Variants in GULP1 observed in about 807,000 individuals in gnomAD.
GULP1 encodes GULP PTB domain containing engulfment adaptor 1, also known as PTB domain-containing engulfment adapter protein 1.
A neutral mutation model predicts 40.9 loss-of-function variants in GULP1; 19 were observed. The ratio of observed to expected loss-of-function variants is 0.46; its 90% confidence interval spans 0.32 to 0.68. The LOEUF (loss-of-function observed/expected upper bound fraction) is 0.68, where lower values mean the gene tolerates loss of function less well. Among genes scored for constraint, GULP1 ranks in the 30% least tolerant of loss-of-function variants. The probability of loss-of-function intolerance (pLI) is 0.03; values close to 1 mark genes in which losing one functional copy is unlikely to be tolerated. For synonymous variants in GULP1, 119 were observed against 117.6 expected (o/e 1.01, Z -0.08); for missense variants, 312 against 362.2 (o/e 0.86, Z 1.12).
At position 188,391,388 on chromosome 2, in the gene GULP1, G is replaced by C. The variant is rs563088517; in HGVS notation, c.-45+7499G>C. On this transcript the variant is annotated intron_variant, in intron 2 of 11. Coordinates refer to ENST00000409830, the MANE Select transcript of GULP1 (RefSeq NM_016315.4). ...TTGCAGCTATTGTAAAAGAGACTGAGTTCTTGATTTGATTCTCAATGTGGT... is the reference window on the plus strand; with the variant it reads ...TTGCAGCTATTGTAAAAGAGACTGACTTCTTGATTTGATTCTCAATGTGGT... 5.3e-5 allele frequency among the ~76,000 whole-genome samples: 8 copies of C among 151,948 alleles called. 1 individual carries two copies. The highest frequency in any genetic ancestry group is 1.2e-4 in the Non-Finnish European group (8 of 67,858).
At chr2:188,348,831 A>T (rs991179187) in intron 1 of GULP1, among the ~76,000 whole-genome samples, 7 of 152,176 alleles carry the variant, frequency 4.6e-5, no homozygotes, top group Non-Finnish European at 8.8e-5. Flanking sequence ...CCCCTCCGAT[A>T]TCGAAGGATG....
At chr2:188,455,597 C>T (rs1449384276) in intron 2 of GULP1, among the ~76,000 whole-genome samples, 1 of 152,152 alleles carries the variant, frequency 6.6e-6, no homozygotes, top group Non-Finnish European at 1.5e-5. Flanking sequence ...CCAGTTAAAC[C>T]TCTTTCTTTT....
At chr2:188,391,540 T>A (rs1161053088) in intron 2 of GULP1, among the ~76,000 whole-genome samples, 1 of 152,024 alleles carries the variant, frequency 6.6e-6, no homozygotes, top group African/African-American at 2.4e-5. Context: ...ATGTATACAA[T>A]TACATCATCA....
At chr2:188,482,381 A>G (rs2061507287) in intron 3 of GULP1, among the ~76,000 whole-genome samples, 1 of 151,976 alleles carries the variant, frequency 6.6e-6, no homozygotes. Context: ...TAGTAATACA[A>G]TATTTCCTTC....
At chr2:188,580,359 C>A (rs545492472) in intron 9 of GULP1, among the ~76,000 whole-genome samples, 1 of 151,818 alleles carries the variant, frequency 6.6e-6, no homozygotes, top group African/African-American at 2.4e-5. Flanking sequence ...CGAGACCATC[C>A]CGGCTAAAAC....
chr2:188,545,426 A>C (rs1257817609), intron 7 of GULP1, among the ~76,000 whole-genome samples: 1 of 151,974 alleles, frequency 6.6e-6, no homozygotes, highest in East Asian at 1.9e-4. Flanking sequence ...TGAAATATGT[A>C]AGCCAATTAT....
At chr2:188,400,602 A>T (rs146331384) in intron 2 of GULP1, among the ~76,000 whole-genome samples, 293 of 152,306 alleles carry the variant, frequency 1.9e-3, no homozygotes, top group Admixed American at 0.011. Context: ...GGATGACCTA[A>T]TCAGATTTGT....
At chr2:188,559,678 G>A (rs1695748830) in intron 7 of GULP1, among the ~76,000 whole-genome samples, 1 of 152,174 alleles carries the variant, frequency 6.6e-6, no homozygotes, top group African/African-American at 2.4e-5. Flanking sequence ...TGTTGGAAAG[G>A]CATGATTGGC....
At chr2:188,320,048 A>G (rs772994049) in intron 1 of GULP1, among the ~76,000 whole-genome samples, 2 of 152,090 alleles carry the variant, frequency 1.3e-5, no homozygotes, top group African/African-American at 2.4e-5. Flanking sequence ...ACACCAGCAC[A>G]GTGCCCCTAG....
Position 188,594,697 on chromosome 2 carries a change from A to G in GULP1, c.*686A>G, listed in dbSNP as rs1035706747. 1 of 151,886 alleles carries G rather than the reference A, an allele frequency of 6.6e-6. No homozygotes were observed. The highest frequency in any genetic ancestry group is 2.1e-4 in the South Asian group (1 of 4,830). 9.4% of individuals were successfully genotyped at this position (151,886 alleles called of 1,614,324 possible). A position where few individuals can be genotyped will look rare whatever the true frequency, so the allele number is the denominator to read the frequency against. On this transcript the variant is annotated 3_prime_UTR_variant, in exon 12 of 12. Transcript: ENST00000409830. ...TTTGTTTTATAAAGGTAGTGAAAAA[A>G]TGAAAATTTGCTATTTATTAAAAAA...
At chr2:188,384,019 A>G (rs1335881723) in intron 2 of GULP1, 130 bp downstream of exon 2, 1 of 152,234 alleles carries the variant, frequency 6.6e-6, no homozygotes, top group Non-Finnish European at 1.5e-5. Context: ...TAAAATTCAT[A>G]AAAGTAAAAT....
At chr2:188,533,703 TG>T (rs1225840250) in intron 6 of GULP1, among the ~76,000 whole-genome samples, 1 of 152,132 alleles carries the variant, frequency 6.6e-6, no homozygotes, top group South Asian at 2.1e-4. Context: ...ACCTACAGAA[TG>T]GGATAAAGTA....
chr2:188,558,636 G>T (rs937815205), intron 7 of GULP1, among the ~76,000 whole-genome samples: 1 of 152,120 alleles, frequency 6.6e-6, no homozygotes, highest in African/African-American at 2.4e-5. Context: ...AGAAGACAGG[G>T]AAATGTGGGA....
At chr2:188,388,252 A>G (rs1443468844) in intron 2 of GULP1, among the ~76,000 whole-genome samples, 1 of 151,766 alleles carries the variant, frequency 6.6e-6, no homozygotes, top group African/African-American at 2.4e-5. Flanking sequence ...ATCTAGGCCA[A>G]CTGCATTGGC....
intron 4 of GULP1, among the ~76,000 whole-genome samples, chr2:188,521,227 A>G (rs1048929012): frequency 2.6e-4 from 39 of 152,146 alleles, no homozygotes; most frequent in Admixed American, 2.0e-3. Context: ...TAAAACCTGT[A>G]TATTTCAATT....
intron 4 of GULP1, among the ~76,000 whole-genome samples, chr2:188,509,226 C>T (rs2064248797): frequency 6.6e-6 from 1 of 152,026 alleles, no homozygotes; most frequent in Non-Finnish European, 1.5e-5. Flanking sequence ...TAGGAGGCCA[C>T]CGACATTAAG....
chr2:188,354,838 A>T lies in GULP1; in HGVS notation c.-171-28925A>T, dbSNP rs114999461. 2.6e-3 allele frequency among the ~76,000 whole-genome samples: 401 copies of T among 152,336 alleles called. 7 individuals are homozygous for T. Among genetic ancestry groups the T allele is most frequent in the Non-Finnish European group, 2.1e-3 (141 of 68,030 alleles). ...CCACTAAATTCAAAACATCAAACTG[A>T]TATCAAGTATCTTTTCTCTTCATAA... On this transcript the variant is annotated intron_variant, in intron 1 of 11. Transcript: ENST00000409830.
intron 1 of GULP1, among the ~76,000 whole-genome samples, chr2:188,301,964 G>A (rs554752371): frequency 7.6e-4 from 115 of 152,256 alleles, no homozygotes; most frequent in Non-Finnish European, 1.4e-3. Flanking sequence ...ACTGCTGTGT[G>A]AGATAATGAA....
At chr2:188,423,048 A>C (rs1234326302) in intron 2 of GULP1, among the ~76,000 whole-genome samples, 1 of 152,024 alleles carries the variant, frequency 6.6e-6, no homozygotes, top group East Asian at 1.9e-4. Context: ...GAGTCAACTA[A>C]ATTTGGTTTC....
Sources: gnomAD v4.1 joint callset for allele counts (sites outside exome capture counted in the v4.1 genomes callset) on GRCh38, gnomAD v4.1.1 for gene constraint, MANE v1.5 for transcripts, NCBI Gene and HGNC (gene_info 2026-07-23, HGNC 2026-07-21) for gene names.